ENTREP2: variants seen among roughly 807,000 people sequenced by gnomAD.
The protein encoded by ENTREP2 is endosomal transmembrane epsin interactor 2.
chr15:29,206,481 G>A, the ENTREP2 span, among the ~76,000 whole-genome samples: 1 of 152,134 alleles, frequency 6.6e-6, no homozygotes, highest in Non-Finnish European at 1.5e-5. Context: ...AAAAACTCCA[G>A]TAATCACAGT....
At chr15:29,568,800 A>G in the ENTREP2 span, among the ~76,000 whole-genome samples, 6 of 151,874 alleles carry the variant, frequency 4.0e-5, no homozygotes, top group South Asian at 1.2e-3. Flanking sequence ...TGTTTTACAC[A>G]TTTATTTAAC....
At chr15:29,252,350 T>G in the ENTREP2 span, 5 of 1,443,768 alleles carry the variant, frequency 3.5e-6, no homozygotes, top group African/African-American at 2.8e-5. Context: ...ATGAAAGGGT[T>G]TGCATTTCAT....
At chr15:29,537,698 G>A in the ENTREP2 span, among the ~76,000 whole-genome samples, 2 of 152,100 alleles carry the variant, frequency 1.3e-5, no homozygotes, top group African/African-American at 4.8e-5. Flanking sequence ...AGTTAGGTCA[G>A]GTCACTCCTC....
chr15:29,262,038 A>G, the ENTREP2 span, among the ~76,000 whole-genome samples: 1 of 151,746 alleles, frequency 6.6e-6, no homozygotes, highest in Non-Finnish European at 1.5e-5. Context: ...GTTTCTTGAA[A>G]ATACTGATAA....
the ENTREP2 span, among the ~76,000 whole-genome samples, chr15:29,143,891 A>C: frequency 2.6e-5 from 4 of 152,332 alleles, no homozygotes; most frequent in Non-Finnish European, 5.9e-5. Context: ...AATTAAATCT[A>C]AAGGGGTCAT....
the ENTREP2 span, among the ~76,000 whole-genome samples, chr15:29,565,691 C>A: frequency 4.6e-5 from 7 of 152,082 alleles, no homozygotes; most frequent in Admixed American, 4.6e-4. Flanking sequence ...CGGCCGGGTG[C>A]GGTGGCTCAC....
chr15:29,244,854 CATCTCTCAGCAGCAT>C, the ENTREP2 span, among the ~76,000 whole-genome samples: 1 of 152,152 alleles, frequency 6.6e-6, no homozygotes, highest in East Asian at 1.9e-4. Context: ...TAATAGAAAC[CATCTCTCAGCAGCAT>C]GCTTGGTGGT....
chr15:29,230,806 C>T, the ENTREP2 span, among the ~76,000 whole-genome samples: 1 of 151,982 alleles, frequency 6.6e-6, no homozygotes, highest in Non-Finnish European at 1.5e-5. Flanking sequence ...ACATAGAAAC[C>T]AAGTCATGTA....
At chr15:29,444,210 G>GAAAGA in the ENTREP2 span, among the ~76,000 whole-genome samples, 324 of 146,022 alleles carry the variant, frequency 2.2e-3, 7 homozygotes, top group African/African-American at 8.2e-3. Context: ...AAGAAAGAAA[G>GAAAGA]AAAGAAAGAA....
the ENTREP2 span, among the ~76,000 whole-genome samples, chr15:29,300,277 C>A: frequency 2.5e-5 from 3 of 119,238 alleles, 1 homozygote; most frequent in African/African-American, 3.3e-5. Context: ...AATGGGTAGA[C>A]AGATGAATCG....
At chr15:29,446,592 GC>G in the ENTREP2 span, among the ~76,000 whole-genome samples, 1 of 152,200 alleles carries the variant, frequency 6.6e-6, no homozygotes, top group Non-Finnish European at 1.5e-5. Flanking sequence ...TGAGATCATG[GC>G]TTTTTCTTGA....
the ENTREP2 span, among the ~76,000 whole-genome samples, chr15:29,553,978 G>T: frequency 6.6e-6 from 1 of 152,160 alleles, no homozygotes; most frequent in Non-Finnish European, 1.5e-5. Context: ...TAAGTTTGAG[G>T]ATAACTTGTG....
the ENTREP2 span, among the ~76,000 whole-genome samples, chr15:29,434,052 C>T: frequency 1.3e-5 from 2 of 152,226 alleles, no homozygotes; most frequent in East Asian, 1.9e-4. Flanking sequence ...GAGTGTACAA[C>T]AGTACCTAGA....
the ENTREP2 span, among the ~76,000 whole-genome samples, chr15:29,387,685 A>C: frequency 1.3e-5 from 2 of 152,174 alleles, no homozygotes; most frequent in Non-Finnish European, 2.9e-5. Context: ...CAAAAGAACA[A>C]AGCTGGAGGC....
chr15:29,647,672 A>C, the ENTREP2 span, among the ~76,000 whole-genome samples: 1 of 152,210 alleles, frequency 6.6e-6, no homozygotes, highest in Admixed American at 6.5e-5. Flanking sequence ...TCCAGTCTTT[A>C]AATCATGATT....
the ENTREP2 span, among the ~76,000 whole-genome samples, chr15:29,435,535 G>A: frequency 6.6e-6 from 1 of 151,986 alleles, no homozygotes; most frequent in African/African-American, 2.4e-5. Flanking sequence ...ACTTACCCAA[G>A]CCTTCAAACC....
the ENTREP2 span, among the ~76,000 whole-genome samples, chr15:29,608,152 A>G: frequency 0.014 from 2,141 of 152,158 alleles, 59 homozygotes; most frequent in African/African-American, 0.05. Context: ...AAGCCCACTG[A>G]CTCAAATGTT....
chr15:29,256,196 G>T, the ENTREP2 span, among the ~76,000 whole-genome samples: 2 of 152,106 alleles, frequency 1.3e-5, no homozygotes, highest in Admixed American at 1.3e-4. Flanking sequence ...CCGGAGGTTG[G>T]GGGGAAGAGC....
the ENTREP2 span, among the ~76,000 whole-genome samples, chr15:29,174,285 G>A: frequency 8.5e-5 from 13 of 152,112 alleles, no homozygotes; most frequent in Admixed American, 6.5e-4. Flanking sequence ...GTATCAGAAC[G>A]ACAACTCATT....
Sources: gnomAD v4.1 joint callset for allele counts (sites outside exome capture counted in the v4.1 genomes callset) on GRCh38, gnomAD v4.1.1 for gene constraint, MANE v1.5 for transcripts, NCBI Gene and HGNC (gene_info 2026-07-23, HGNC 2026-07-21) for gene names.